The following CRTC3 variants were observed in gnomAD, a reference collection of about 807,000 sequenced individuals.
CRTC3 encodes the protein CREB-regulated transcription coactivator 3.
CRTC3 carries 26 observed loss-of-function variants against 74.5 expected under a neutral mutation model. The observed-to-expected ratio is 0.35, with a 90% confidence interval of 0.26 to 0.48. The LOEUF is 0.48. Ranked by LOEUF, CRTC3 falls within the 20% of genes least tolerant of loss-of-function variation. The pLI is 0.99. For missense variants in CRTC3, 760 were observed against 787.3 expected (o/e 0.97, Z 0.41); for synonymous variants, 377 against 325.8 (o/e 1.16, Z -1.69).
Position 90,642,993 on chromosome 15 carries a change from G to C in CRTC3, c.*853G>C, listed in dbSNP as rs1969503803. On this transcript the variant is annotated 3_prime_UTR_variant, in exon 15 of 15. Transcript: ENST00000268184. ...CCTCCCCACTAAGAGCAGCCAGAGG[G>C]AGCTGGTGAGGCCCTAACCCCACCC... The C allele has an allele frequency of 4.3e-6, 1 of 232,520 alleles. No individual in the cohort carries two copies. Among genetic ancestry groups the C allele is most frequent in the African/African-American group, 2.2e-5 (1 of 45,274 alleles). 14.4% of individuals were successfully genotyped at this position (232,520 alleles called of 1,614,324 possible). A position where few individuals can be genotyped will look rare whatever the true frequency, so the allele number is the denominator to read the frequency against.
In CRTC3 at chr15:90,629,424, G is replaced by A. The variant is rs771215682; in HGVS notation, c.1158G>A (p.Arg386=). The change falls in exon 11 of 15, where the codon CGG becomes CGA. Residue 386 remains arginine (R), a synonymous_variant. Coordinates refer to ENST00000268184, the MANE Select transcript of CRTC3 (RefSeq NM_022769.5). ...TTNLSGPSRR[R]QPPVSPLTLS... ...ACCTGAGCGGCCCGTCTCGGCGTCG[G>A]CAGCCTCCCGTCAGCCCTCTCACGC... 22 of 1,613,986 alleles carry A rather than the reference G, an allele frequency of 1.4e-5. No individual in the cohort carries two copies. In the South Asian group the frequency reaches 2.4e-4, roughly 18 times the overall value.
At chr15:90,536,352 A>G (rs117456071) in intron 1 of CRTC3, among the ~76,000 whole-genome samples, 5,394 of 151,574 alleles carry the variant, frequency 0.036, 126 homozygotes, top group East Asian at 0.053. Flanking sequence ...CCTAGGTAAC[A>G]TGGTGAAATC....
Position 90,645,207 on chromosome 15 carries a change from T to TAACC in CRTC3, c.*3067_*3068insAACC, listed in dbSNP as rs1386119084. 3.9e-5 allele frequency: 9 copies of TAACC among 229,262 alleles called. No individual in the cohort carries two copies. The East Asian group carries it at 5.6e-4, about 14-fold the overall frequency. The allele number at this position is 229,262 out of a possible 1,614,324, so 14.2% of individuals were successfully genotyped here. A position where few individuals can be genotyped will look rare whatever the true frequency, so the allele number is the denominator to read the frequency against. On this transcript the variant is annotated 3_prime_UTR_variant, in exon 15 of 15. Transcript: ENST00000268184. ...CATCCCAGCAACTAATCAGACTTCC[T>TAACC]GCCAGTGTCCTAACCCCCAGGGCAC...
At chr15:90,595,231 G>T (rs1967891192) in intron 3 of CRTC3, 1 of 152,226 alleles carries the variant, frequency 6.6e-6, no homozygotes, top group South Asian at 2.1e-4. Flanking sequence ...AAATTGCCAA[G>T]AATATTCAGG....
rs1968156562 is a variant in CRTC3 at position 90,604,169 on chromosome 15, A to C, written c.414-216A>C. 9 of 509,544 alleles carry C rather than the reference A, an allele frequency of 1.8e-5. No homozygotes were observed. The South Asian group carries it at 1.9e-4, about 11-fold the overall frequency. 31.6% of individuals were successfully genotyped at this position (509,544 alleles called of 1,614,324 possible). On this transcript the variant is annotated intron_variant, in intron 4 of 14. Coordinates refer to ENST00000268184, the MANE Select transcript of CRTC3 (RefSeq NM_022769.5). The stretch of plus-strand genomic sequence containing the variant: ...GCCTTATGGGTTTGTAGTAGTTTTT[A>C]TACTGGAAATCAGAGATCACAGGAC...
intron 13 of CRTC3, among the ~76,000 whole-genome samples, chr15:90,640,675 CT>C (rs1428200800): frequency 7.8e-6 from 1 of 128,340 alleles, no homozygotes; most frequent in African/African-American, 3.6e-5. Flanking sequence ...GAGACCCTAT[CT>C]TTAAAAAAAA....
chr15:90,641,101 C>T lies in CRTC3; in HGVS notation c.1553C>T (p.Pro518Leu). The change falls in exon 14 of 15, where the codon CCT becomes CTT. Residue 518 changes from proline (P) to leucine (L), a missense_variant. By Grantham distance (98) the Pro-to-Leu change is moderately conservative. Transcript: ENST00000268184. ...CATGACCTTCGATGCTTCCAGGTGC[C>T]TCTGGTGCAACAAGGTTCCCGAGAA... ...RPGPAFPQQV[P>L]LVQQGSRELQ... 1 of 1,612,482 alleles carries T rather than the reference C, an allele frequency of 6.2e-7. No individual in the cohort carries two copies. Among genetic ancestry groups the T allele is most frequent in the African/African-American group, 1.3e-5 (1 of 74,968 alleles).
intron 2 of CRTC3, among the ~76,000 whole-genome samples, chr15:90,577,178 T>C (rs1967427224): frequency 6.6e-6 from 1 of 152,144 alleles, no homozygotes; most frequent in South Asian, 2.1e-4. Context: ...AATCTCCCCA[T>C]TACCATTATA....
Position 90,533,421 on chromosome 15 carries a change from G to GAA in CRTC3, c.132+3218_132+3219insAA, listed in dbSNP as rs1555445284. Among the ~76,000 whole-genome samples, 145 of 67,790 alleles carry GAA rather than the reference G, an allele frequency of 2.1e-3. 3 individuals carry two copies. The highest frequency in any genetic ancestry group is 0.011 in the East Asian group (47 of 4,276). The allele number at this position is 67,790 out of a possible 152,430, so 44.5% of individuals were successfully genotyped here. A position where few individuals can be genotyped will look rare whatever the true frequency, so the allele number is the denominator to read the frequency against. Reference sequence around the variant, plus strand: ...GGGCGACAGAGCGAGACTCCGCCTAGGAAAAAAAAAAAAAAAGGGAAGAAA... The same window carrying GAA: ...GGGCGACAGAGCGAGACTCCGCCTAGAAGAAAAAAAAAAAAAAAGGGAAGAAA... On this transcript the variant is annotated intron_variant, in intron 1 of 14. Transcript: ENST00000268184.
At chr15:90,622,697 A>C (rs1301325254) in intron 9 of CRTC3, among the ~76,000 whole-genome samples, 1 of 152,128 alleles carries the variant, frequency 6.6e-6, no homozygotes, top group Non-Finnish European at 1.5e-5. Context: ...CTAAAAATAC[A>C]AAAATTTGCT....
rs554039665 is a variant in CRTC3, at chr15:90,589,425, C to G, written c.232-4211C>G. Among the ~76,000 whole-genome samples the G allele has an allele frequency of 1.2e-4, 19 of 152,046 alleles. No homozygotes were observed. In the South Asian group the frequency reaches 3.9e-3, roughly 31 times the overall value. ...GGAGTACAGTGGCTCAATCATAGTT[C>G]ACTGTAGCCTGACATTCCTGGGGTC... On this transcript the variant is annotated intron_variant, in intron 2 of 14. Coordinates refer to ENST00000268184, the MANE Select transcript of CRTC3 (RefSeq NM_022769.5).
intron 2 of CRTC3, among the ~76,000 whole-genome samples, chr15:90,542,719 T>C (rs189794347): frequency 7.2e-5 from 11 of 152,388 alleles, no homozygotes; most frequent in Admixed American, 3.3e-4. Flanking sequence ...CATGCAGTTA[T>C]TGCCTGCAGT....
At position 90,629,367 on chromosome 15, in the gene CRTC3, T is replaced by TCCCC; in HGVS notation, c.1101_1102insCCCC (p.Ser368ProfsTer4). 6.2e-7 allele frequency: 1 copy of TCCCC among 1,614,070 alleles called. No homozygotes were observed. The highest frequency in any genetic ancestry group is 8.5e-7 in the Non-Finnish European group (1 of 1,180,002). ...CTCTTCACCCTTCGCTCCGTCTGTT[T>TCCCC]TCCCTTAGCAACCCATCTCTTTCCA... On this transcript the variant is annotated frameshift_variant, in exon 11 of 15. Transcript: ENST00000268184. LOFTEE classifies it high-confidence loss of function.
intron 7 of CRTC3, 114 bp from the exon 8 acceptor site, chr15:90,617,769 G>T: frequency 4.5e-6 from 3 of 670,082 alleles, no homozygotes; most frequent in South Asian, 1.7e-5. Flanking sequence ...GGGCTCAAGC[G>T]ATCCTCCTGC....
At chr15:90,626,802 A>G (rs1454824977) in intron 10 of CRTC3, among the ~76,000 whole-genome samples, 1 of 152,110 alleles carries the variant, frequency 6.6e-6, no homozygotes, top group East Asian at 1.9e-4. Context: ...TTTAGTAGAG[A>G]CAGGGTTTCA....
intron 6 of CRTC3, among the ~76,000 whole-genome samples, chr15:90,611,999 C>T (rs965857531): frequency 8.6e-5 from 13 of 151,388 alleles, no homozygotes; most frequent in African/African-American, 3.2e-4. Flanking sequence ...CTTCCTTCTC[C>T]TTCTTATCCT....
intron 2 of CRTC3, among the ~76,000 whole-genome samples, chr15:90,561,058 G>T (rs1427201743): frequency 6.6e-6 from 1 of 152,160 alleles, no homozygotes; most frequent in African/African-American, 2.4e-5. Flanking sequence ...AACTAGCACT[G>T]GATCGTAGAC....
chr15:90,555,784 C>G (rs754922754), intron 2 of CRTC3, among the ~76,000 whole-genome samples: 5 of 152,194 alleles, frequency 3.3e-5, no homozygotes, highest in Non-Finnish European at 5.9e-5. Context: ...CCCCAAAGTG[C>G]TGGGATTTCA....
intron 2 of CRTC3, among the ~76,000 whole-genome samples, chr15:90,590,302 A>G (rs567436735): frequency 6.6e-6 from 1 of 152,280 alleles, no homozygotes; most frequent in East Asian, 1.9e-4. Flanking sequence ...CAAAAAAATA[A>G]TAATAAAATA....
Sources: gnomAD v4.1 joint callset for allele counts (sites outside exome capture counted in the v4.1 genomes callset) on GRCh38, gnomAD v4.1.1 for gene constraint, MANE v1.5 for transcripts, NCBI Gene and HGNC (gene_info 2026-07-23, HGNC 2026-07-21) for gene names.